The following CHRM3 variants were observed in gnomAD, a reference collection of about 807,000 sequenced individuals.
The protein encoded by CHRM3 is cholinergic receptor muscarinic 3, also known as muscarinic acetylcholine receptor M3.
In CHRM3, 11 loss-of-function variants were observed where a neutral mutation model predicts 41.8. The observed-to-expected ratio is 0.26, with a 90% CI of 0.17 to 0.44. The LOEUF is 0.44. Ranked by LOEUF, CHRM3 falls within the 20% of genes least tolerant of loss-of-function variation. The pLI is 1.00. For synonymous variants in CHRM3, 297 were observed against 301.4 expected (o/e 0.99, Z 0.15); for missense variants, 571 against 745.4 (o/e 0.77, Z 2.72).
chr1:239,796,839 C>T (rs1017545362), intron 5 of CHRM3, among the ~76,000 whole-genome samples: 2 of 152,140 alleles, frequency 1.3e-5, no homozygotes, highest in Admixed American at 6.6e-5. Flanking sequence ...TCATTCCTCA[C>T]CCCCCTCCCA....
chr1:239,429,405 G>C (rs1351728216), intron 1 of CHRM3, among the ~76,000 whole-genome samples: 1 of 152,104 alleles, frequency 6.6e-6, no homozygotes, highest in African/African-American at 2.4e-5. Context: ...GATAATACAT[G>C]ATTGTTAAGT....
Position 239,774,572 on chromosome 1 carries a change from C to T in CHRM3, c.-146-52680C>T, listed in dbSNP as rs573217768. Among the ~76,000 whole-genome samples the T allele has an allele frequency of 1.1e-4, 16 of 152,244 alleles. No homozygotes were observed. In the South Asian group the frequency reaches 2.7e-3, roughly 26 times the overall value. On this transcript the variant is annotated intron_variant, in intron 5 of 6. Transcript: ENST00000676153. The stretch of plus-strand genomic sequence containing the variant: ...TTTCCATCAAATAAAATTTTTTGCT[C>T]ATCAACAATGACACACATTTCATTA...
At chr1:239,474,022 AT>A (rs1449600830) in intron 1 of CHRM3, among the ~76,000 whole-genome samples, 1 of 152,088 alleles carries the variant, frequency 6.6e-6, no homozygotes, top group African/African-American at 2.4e-5. Flanking sequence ...AAGTGCTAAT[AT>A]TTGAAGGGCT....
At chr1:239,461,812 C>T (rs1665382578) in intron 1 of CHRM3, among the ~76,000 whole-genome samples, 1 of 152,210 alleles carries the variant, frequency 6.6e-6, no homozygotes, top group Non-Finnish European at 1.5e-5. Context: ...TCCATCTCCT[C>T]CTGTCTCCTC....
intron 6 of CHRM3, among the ~76,000 whole-genome samples, chr1:239,882,918 C>T (rs1677766220): frequency 6.6e-6 from 1 of 152,206 alleles, no homozygotes; most frequent in South Asian, 2.1e-4. Context: ...ATTTATACTC[C>T]TGGAGACTCA....
chr1:239,508,256 C>G (rs1478497492), intron 2 of CHRM3, among the ~76,000 whole-genome samples: 2 of 152,110 alleles, frequency 1.3e-5, no homozygotes, highest in Non-Finnish European at 2.9e-5. Context: ...AATTATGAAG[C>G]TAGGTGGTTC....
At chr1:239,819,133 G>T (rs1197436620) in intron 5 of CHRM3, among the ~76,000 whole-genome samples, 1 of 152,120 alleles carries the variant, frequency 6.6e-6, no homozygotes, top group Non-Finnish European at 1.5e-5. Flanking sequence ...CCTGACTGGA[G>T]TCCCTGGCCA....
intron 3 of CHRM3, among the ~76,000 whole-genome samples, chr1:239,610,225 G>T (rs978337212): frequency 2.9e-5 from 4 of 136,730 alleles, no homozygotes; most frequent in African/African-American, 1.1e-4. Context: ...CTATAAAACA[G>T]GCAATCTTTT....
intron 1 of CHRM3, among the ~76,000 whole-genome samples, chr1:239,396,603 G>T (rs1659501509): frequency 6.6e-6 from 1 of 152,140 alleles, no homozygotes; most frequent in Non-Finnish European, 1.5e-5. Flanking sequence ...AACAGAACAA[G>T]ATCCAGTCTC....
chr1:239,700,442 A>C (rs1490141048), intron 5 of CHRM3, among the ~76,000 whole-genome samples: 3 of 152,174 alleles, frequency 2.0e-5, no homozygotes, highest in African/African-American at 7.2e-5. Context: ...GCAAGTCCCA[A>C]ACTCTGAAAC....
chr1:239,886,526 A>G (rs904492586), intron 6 of CHRM3: 1 of 152,144 alleles, frequency 6.6e-6, no homozygotes, highest in Non-Finnish European at 1.5e-5. Flanking sequence ...TGTGTCTTCT[A>G]TTTTCAGTGG....
chr1:239,433,703 T>TA (rs1341613707), intron 1 of CHRM3, among the ~76,000 whole-genome samples: 2 of 147,948 alleles, frequency 1.4e-5, no homozygotes, highest in African/African-American at 4.9e-5. Context: ...AACGAAGACA[T>TA]ATGATGTTTG....
At chr1:239,695,809 G>A (rs961792460) in intron 5 of CHRM3, among the ~76,000 whole-genome samples, 2 of 152,106 alleles carry the variant, frequency 1.3e-5, no homozygotes, top group African/African-American at 4.8e-5. Context: ...ATTCTATAAT[G>A]AGATTTTGAA....
intron 5 of CHRM3, among the ~76,000 whole-genome samples, chr1:239,678,933 A>G (rs981272616): frequency 5.3e-5 from 8 of 152,166 alleles, no homozygotes; most frequent in Non-Finnish European, 8.8e-5. Context: ...GATTCTCACT[A>G]TATATAAATA....
chr1:239,731,000 A>G lies in CHRM3; in HGVS notation c.-147+52712A>G, dbSNP rs150056260. Among the ~76,000 whole-genome samples the G allele has an allele frequency of 3.6e-3, 551 of 152,052 alleles. 2 individuals are homozygous for G. The highest frequency in any genetic ancestry group is 0.013 in the African/African-American group (530 of 41,526). On this transcript the variant is annotated intron_variant, in intron 5 of 6. Coordinates refer to ENST00000676153, the MANE Select transcript of CHRM3 (RefSeq NM_001375978.1). Reference sequence around the variant, plus strand: ...TAGGACTTGGTAGCCAACTGAATGCAAAGGATGAAGGAGAATAAGAAAAAA... The same window carrying G: ...TAGGACTTGGTAGCCAACTGAATGCGAAGGATGAAGGAGAATAAGAAAAAA...
chr1:239,816,638 T>C (rs1188975891), intron 5 of CHRM3, among the ~76,000 whole-genome samples: 1 of 152,022 alleles, frequency 6.6e-6, no homozygotes, highest in East Asian at 1.9e-4. Flanking sequence ...CATAATCTAG[T>C]AGACTGCCTG....
At chr1:239,895,186 G>A (rs987730289) in intron 6 of CHRM3, among the ~76,000 whole-genome samples, 2 of 152,190 alleles carry the variant, frequency 1.3e-5, no homozygotes, top group African/African-American at 4.8e-5. Context: ...AACTGCCCAC[G>A]TATGTAGGGA....
At chr1:239,573,141 G>A (rs1387593758) in intron 3 of CHRM3, among the ~76,000 whole-genome samples, 1 of 152,082 alleles carries the variant, frequency 6.6e-6, no homozygotes, top group African/African-American at 2.4e-5. Context: ...AGGCTGCCTA[G>A]TTCCTCGCAT....
Position 239,641,875 on chromosome 1 carries a change from A to G in CHRM3, c.-250+9589A>G, listed in dbSNP as rs1426057210. On this transcript the variant is annotated intron_variant, in intron 4 of 6. Coordinates refer to ENST00000676153, the MANE Select transcript of CHRM3 (RefSeq NM_001375978.1). Reference sequence around the variant, plus strand: ...CTTCCTAGTCTTGATGGTCTTTACAATTTGGCGTGATTTTGCAGTGGCTGG... The same window carrying G: ...CTTCCTAGTCTTGATGGTCTTTACAGTTTGGCGTGATTTTGCAGTGGCTGG... Among the ~76,000 whole-genome samples the G allele has an allele frequency of 4.0e-5, 5 of 126,364 alleles. 2 individuals are homozygous for G. Among genetic ancestry groups the G allele is most frequent in the African/African-American group, 6.4e-5 (2 of 31,326 alleles). The allele number at this position is 126,364 out of a possible 152,430, so 82.9% of individuals were successfully genotyped here.
Sources: allele counts gnomAD v4.1 joint callset (sites outside exome capture counted in the v4.1 genomes callset), GRCh38; gene constraint gnomAD v4.1.1; transcripts MANE v1.5; gene names NCBI Gene and HGNC (gene_info 2026-07-23, HGNC 2026-07-21).